The following ZNF169 variants were observed in gnomAD, a reference collection of about 807,000 sequenced individuals.
The protein encoded by ZNF169 is zinc finger protein 169.
ZNF169 carries 11 observed loss-of-function variants against 12.0 expected under a neutral mutation model. The observed-to-expected ratio is 0.92, with a 90% CI of 0.58 to 1.52. The LOEUF (loss-of-function observed/expected upper bound fraction) is 1.52. Among genes scored for constraint, ZNF169 ranks in the 40% most tolerant of loss-of-function variants. The pLI, the probability that ZNF169 is intolerant of heterozygous loss-of-function variation, is 0.00. For missense variants in ZNF169, 722 were observed against 744.0 expected, an observed-to-expected ratio of 0.97 and a Z score of 0.34; for synonymous variants, 302 against 286.5, an observed-to-expected ratio of 1.05 and a Z score of -0.55.
chr9:94,292,606 G>A, intron 3 of ZNF169, 139 bp downstream of exon 3: 1 of 840,858 alleles, frequency 1.2e-6, no homozygotes, highest in Non-Finnish European at 1.7e-6. Flanking sequence ...TCACAGTGCA[G>A]TTGTGTGTGT....
intron 2 of ZNF169, among the ~76,000 whole-genome samples, chr9:94,284,576 C>A (rs1226626454): frequency 6.6e-6 from 1 of 151,842 alleles, no homozygotes; most frequent in Non-Finnish European, 1.5e-5. Flanking sequence ...AGTAAACACA[C>A]AAAAATCTGT....
intron 1 of ZNF169, among the ~76,000 whole-genome samples, chr9:94,270,554 T>TA (rs1830369430): frequency 7.0e-6 from 1 of 142,566 alleles, no homozygotes; most frequent in Admixed American, 7.7e-5. Context: ...TAGGAGTTTT[T>TA]ATCATGAATA....
At chr9:94,264,902 CTT>C (rs1830263965) in intron 1 of ZNF169, among the ~76,000 whole-genome samples, 1 of 151,628 alleles carries the variant, frequency 6.6e-6, no homozygotes, top group African/African-American at 2.4e-5. Context: ...ATCCATTCTC[CTT>C]TTTCTGTTGT....
chr9:94,265,505 G>A (rs552256956), intron 1 of ZNF169, among the ~76,000 whole-genome samples: 12 of 151,846 alleles, frequency 7.9e-5, no homozygotes, highest in African/African-American at 2.2e-4. Context: ...ACTTGAGCCC[G>A]GGAGGTAGAG....
At chr9:94,285,234 G>C (rs914367789) in intron 2 of ZNF169, among the ~76,000 whole-genome samples, 15 of 152,058 alleles carry the variant, frequency 9.9e-5, no homozygotes, top group African/African-American at 3.6e-4. Context: ...GCCTCAGCAA[G>C]GAAATAAAAG....
chr9:94,287,681 AAAC>A, intron 2 of ZNF169: 1 of 1,056,552 alleles, frequency 9.5e-7, no homozygotes, highest in Non-Finnish European at 1.5e-6. Context: ...GTTTAAAATT[AAAC>A]AATACGGTGT....
intron 2 of ZNF169, among the ~76,000 whole-genome samples, chr9:94,289,894 C>T (rs1830798221): frequency 6.6e-6 from 1 of 151,902 alleles, no homozygotes; most frequent in Admixed American, 6.6e-5. Flanking sequence ...GTAAAGAAAA[C>T]AAAGAGGCAA....
intron 1 of ZNF169, among the ~76,000 whole-genome samples, chr9:94,261,163 T>A (rs1259421299): frequency 1.3e-5 from 2 of 152,094 alleles, no homozygotes; most frequent in Admixed American, 6.6e-5. Flanking sequence ...TGCCTCAGCC[T>A]CCCGAGTAGC....
intron 2 of ZNF169, chr9:94,288,321 G>C: frequency 2.2e-6 from 2 of 920,948 alleles, no homozygotes; most frequent in South Asian, 1.3e-5. Flanking sequence ...GTGTGTTGTC[G>C]GTGTTCTATT....
rs1389753258 is a variant in ZNF169 at position 94,301,598 on chromosome 9, T to C, written c.*228T>C. The C allele has an allele frequency of 1.0e-5, 8 of 803,612 alleles. No homozygotes were observed. Among genetic ancestry groups the C allele is most frequent in the Non-Finnish European group, 1.4e-5 (8 of 556,048 alleles). The allele number at this position is 803,612 out of a possible 1,614,324, so 49.8% of individuals were successfully genotyped here. A position where few individuals can be genotyped will look rare whatever the true frequency, so the allele number is the denominator to read the frequency against. On this transcript the variant is annotated 3_prime_UTR_variant, in exon 5 of 5. Coordinates refer to ENST00000395395, the MANE Select transcript of ZNF169 (RefSeq NM_194320.4). ...CAACGGAAATATATTTTCATATTTA[T>C]GGAGGCTGGAAGTCCCAGATGAACG...
Position 94,299,682 on chromosome 9 carries a change from A to G in ZNF169, c.257-133A>G, listed in dbSNP as rs1831015378. ...TTGTAGTGTGGGTTTTCTGTGCTGC[A>G]ATAGAGCATGTAATGTGCCCTTGTG... On this transcript the variant is annotated intron_variant, in intron 4 of 4. Transcript: ENST00000395395. The G allele has an allele frequency of 4.8e-6, 7 of 1,451,048 alleles. No homozygotes were observed. The Admixed American group carries it at 1.7e-4, about 35-fold the overall frequency. 89.9% of individuals were successfully genotyped at this position (1,451,048 alleles called of 1,614,324 possible). A position where few individuals can be genotyped will look rare whatever the true frequency, so the allele number is the denominator to read the frequency against.
chr9:94,301,574 A>G lies in ZNF169; in HGVS notation c.*204A>G. On this transcript the variant is annotated 3_prime_UTR_variant, in exon 5 of 5. Coordinates refer to ENST00000395395, the MANE Select transcript of ZNF169 (RefSeq NM_194320.4). Reference sequence around the variant, plus strand: ...GTACCCCAGGCTGGGTGATTTTGACAACGGAAATATATTTTCATATTTATG... The same window carrying G: ...GTACCCCAGGCTGGGTGATTTTGACGACGGAAATATATTTTCATATTTATG... 1.1e-6 allele frequency: 1 copy of G among 915,612 alleles called. No individual in the cohort carries two copies. Among genetic ancestry groups the G allele is most frequent in the Non-Finnish European group, 1.5e-6 (1 of 649,926 alleles). 56.7% of individuals were successfully genotyped at this position (915,612 alleles called of 1,614,324 possible).
At chr9:94,281,879 A>G (rs758364020) in intron 2 of ZNF169, among the ~76,000 whole-genome samples, 4 of 152,188 alleles carry the variant, frequency 2.6e-5, no homozygotes, top group Non-Finnish European at 4.4e-5. Flanking sequence ...ATTGTGCAGA[A>G]GAAGCTCTCA....
At chr9:94,277,654 G>C (rs915841458) in intron 1 of ZNF169, among the ~76,000 whole-genome samples, 1 of 152,012 alleles carries the variant, frequency 6.6e-6, no homozygotes, top group Non-Finnish European at 1.5e-5. Context: ...AATCAGGGCC[G>C]GGCACGGTGG....
rs768899692 is a variant in ZNF169 at position 94,300,611 on chromosome 9, T to C, written c.1053T>C (p.Cys351=). The change falls in exon 5 of 5, where the codon TGT becomes TGC. Residue 351 remains cysteine (C), a synonymous_variant. Transcript: ENST00000395395. Reference sequence around the variant, plus strand: ...AGAAGCCCTTCGTGTGTCCTGAGTGTGGGAGAGGCTTTTGCCAGAAGGCAT... The same window carrying C: ...AGAAGCCCTTCGTGTGTCCTGAGTGCGGGAGAGGCTTTTGCCAGAAGGCAT... ...LEEKPFVCPE[C]GRGFCQKASL... is the part of the protein sequence containing the mutation. The C allele has an allele frequency of 1.2e-5, 20 of 1,613,980 alleles. No individual in the cohort carries two copies. The South Asian group carries it at 2.1e-4, about 17-fold the overall frequency.
At chr9:94,286,081 C>T (rs1564089040) in intron 2 of ZNF169, among the ~76,000 whole-genome samples, 1 of 152,022 alleles carries the variant, frequency 6.6e-6, no homozygotes, top group East Asian at 1.9e-4. Context: ...CACTTGCTTT[C>T]TTTATGAGAT....
rs117941084 is a variant in ZNF169, at chr9:94,266,766, G to A, written c.-56+7421G>A. ...GTGAAACTAGAATTTAACAACAGGT[G>A]TACTGTAGTTTTTGAAACATAATTT... On this transcript the variant is annotated intron_variant, in intron 1 of 4. Transcript: ENST00000395395. Among the ~76,000 whole-genome samples, 159 of 152,258 alleles carry A rather than the reference G, an allele frequency of 1.0e-3. 4 individuals are homozygous for A. In the East Asian group the frequency reaches 0.026, roughly 25 times the overall value.
chr9:94,268,715 G>A (rs1830334300), intron 1 of ZNF169, among the ~76,000 whole-genome samples: 2 of 149,316 alleles, frequency 1.3e-5, no homozygotes, highest in East Asian at 4.0e-4. Context: ...TGAACCGGGA[G>A]GCAGGGGTTA....
intron 1 of ZNF169, among the ~76,000 whole-genome samples, chr9:94,269,240 A>C (rs540438601): frequency 6.6e-6 from 1 of 152,058 alleles, no homozygotes; most frequent in Non-Finnish European, 1.5e-5. Flanking sequence ...CTCAAAACCA[A>C]CTCAAAACCT....
Sources: gnomAD v4.1 joint callset for allele counts (sites outside exome capture counted in the v4.1 genomes callset) on GRCh38, gnomAD v4.1.1 for gene constraint, MANE v1.5 for transcripts, NCBI Gene and HGNC (gene_info 2026-07-23, HGNC 2026-07-21) for gene names.